The following LYPLA1 variants were observed in gnomAD, a reference collection of about 807,000 sequenced individuals.
LYPLA1 encodes lysophospholipase 1.
LYPLA1 carries 17 observed loss-of-function variants against 34.0 expected under a neutral mutation model. That is an observed-to-expected ratio of 0.50 (90% CI 0.34 to 0.75). The LOEUF (loss-of-function observed/expected upper bound fraction) is 0.75, where lower values mean the gene tolerates loss of function less well. Among genes scored for constraint, LYPLA1 ranks in the 30% least tolerant of loss-of-function variants. LYPLA1 has a pLI of 0.01. For synonymous variants in LYPLA1, 98 were observed against 100.8 expected, an observed-to-expected ratio of 0.97 and a Z score of 0.17; for missense variants, 203 against 288.8, an observed-to-expected ratio of 0.70 and a Z score of 2.15.
intron 5 of LYPLA1, among the ~76,000 whole-genome samples, chr8:54,059,997 C>G (rs1806480539): frequency 6.6e-6 from 1 of 152,214 alleles, no homozygotes; most frequent in South Asian, 2.1e-4. Context: ...CACCTACACC[C>G]ACCCACACTC....
At chr8:54,073,270 T>C in intron 2 of LYPLA1, 2 of 882,240 alleles carry the variant, frequency 2.3e-6, no homozygotes, top group Admixed American at 1.7e-5. Context: ...TGGGGGAACC[T>C]GCATGCTGGG....
At chr8:54,065,519 A>T (rs1238012072) in intron 3 of LYPLA1, among the ~76,000 whole-genome samples, 1 of 151,230 alleles carries the variant, frequency 6.6e-6, no homozygotes, top group African/African-American at 2.4e-5. Context: ...AGTTCAGCTG[A>T]CCTCCAAGAC....
At chr8:54,068,086 G>A (rs1035971683) in intron 2 of LYPLA1, among the ~76,000 whole-genome samples, 48 of 152,234 alleles carry the variant, frequency 3.2e-4, no homozygotes, top group Non-Finnish European at 1.3e-4. Context: ...AGTATTAACT[G>A]CAATACTTAC....
chr8:54,081,559 T>C (rs1808322034), intron 2 of LYPLA1, among the ~76,000 whole-genome samples: 1 of 152,070 alleles, frequency 6.6e-6, no homozygotes, highest in African/African-American at 2.4e-5. Flanking sequence ...GCGATTCTCC[T>C]ACCTCAGCCT....
In LYPLA1 at chr8:54,047,938, T is replaced by C; in HGVS notation, c.*127A>G. Reference sequence around the variant, plus strand: ...AGGAGATATTATTTGATCTGTGTTATTGGCATGTATTTGCAAAACATTTTA... The same window carrying C: ...AGGAGATATTATTTGATCTGTGTTACTGGCATGTATTTGCAAAACATTTTA... On this transcript the variant is annotated 3_prime_UTR_variant, in exon 9 of 9. Transcript: ENST00000316963. 2 of 610,670 alleles carry C rather than the reference T, an allele frequency of 3.3e-6. No individual in the cohort carries two copies. The highest frequency in any genetic ancestry group is 5.8e-6 in the Non-Finnish European group (2 of 342,098). 37.8% of individuals were successfully genotyped at this position (610,670 alleles called of 1,614,324 possible).
At chr8:54,084,814 A>C (rs1054048091) in intron 2 of LYPLA1, among the ~76,000 whole-genome samples, 2 of 152,230 alleles carry the variant, frequency 1.3e-5, no homozygotes, top group Non-Finnish European at 2.9e-5. Flanking sequence ...AAATTCCTAG[A>C]ATGACACAAA....
At chr8:54,065,861 C>G in intron 2 of LYPLA1, 48 bp from the exon 3 acceptor site, 1 of 1,238,622 alleles carries the variant, frequency 8.1e-7, no homozygotes. Context: ...GTTTTAAATC[C>G]CAGTAAGTAA....
intron 2 of LYPLA1, among the ~76,000 whole-genome samples, chr8:54,078,270 C>T (rs80061022): frequency 0.11 from 16,137 of 145,756 alleles, 2,734 homozygotes; most frequent in African/African-American, 0.39. Context: ...CATTTAAGAT[C>T]TGAATACTTG....
intron 2 of LYPLA1, among the ~76,000 whole-genome samples, chr8:54,083,196 C>T (rs149398172): frequency 6.6e-6 from 1 of 152,178 alleles, no homozygotes; most frequent in East Asian, 1.9e-4. Flanking sequence ...ATTGAAGACA[C>T]CTCAGATAAA....
Position 54,089,615 on chromosome 8 carries a change from T to C in LYPLA1, c.101+11293A>G, listed in dbSNP as rs113743341. ...AGGCCAGAATTGAACCATGGGCCCT[T>C]GTTTGCCAACCTCTTTTTTTTTTTT... On this transcript the variant is annotated intron_variant, in intron 2 of 8. Transcript: ENST00000316963. Among the ~76,000 whole-genome samples the C allele has an allele frequency of 2.6e-5, 4 of 151,768 alleles. 1 individual carries two copies. The highest frequency in any genetic ancestry group is 7.2e-5 in the African/African-American group (3 of 41,408).
At chr8:54,085,440 G>T (rs556665219) in intron 2 of LYPLA1, among the ~76,000 whole-genome samples, 2 of 152,136 alleles carry the variant, frequency 1.3e-5, no homozygotes, top group African/African-American at 2.4e-5. Context: ...TCTCTGCCCC[G>T]CCGCCCATCG....
chr8:54,057,167 T>C (rs1462029554), intron 5 of LYPLA1, among the ~76,000 whole-genome samples: 1 of 152,162 alleles, frequency 6.6e-6, no homozygotes, highest in African/African-American at 2.4e-5. Context: ...GAATGTAAAT[T>C]AGTACAACTA....
At chr8:54,080,270 C>T (rs924747936) in intron 2 of LYPLA1, among the ~76,000 whole-genome samples, 14 of 151,832 alleles carry the variant, frequency 9.2e-5, no homozygotes, top group Non-Finnish European at 2.1e-4. Context: ...CCAAGCTACT[C>T]GGGAGACTGA....
intron 7 of LYPLA1, among the ~76,000 whole-genome samples, chr8:54,052,098 G>A (rs1180538071): frequency 6.6e-6 from 1 of 151,800 alleles, no homozygotes; most frequent in Non-Finnish European, 1.5e-5. Context: ...TAATCCACCC[G>A]CCTCAGCCTC....
chr8:54,101,773 G>C lies in LYPLA1; in HGVS notation c.51C>G (p.Ala17=). 1 of 1,300,104 alleles carries C rather than the reference G, an allele frequency of 7.7e-7. No homozygotes were observed. Among genetic ancestry groups the C allele is most frequent in the Non-Finnish European group, 9.8e-7 (1 of 1,016,002 alleles). The allele number at this position is 1,300,104 out of a possible 1,614,324, so 80.5% of individuals were successfully genotyped here. Reference sequence around the variant, plus strand: ...CACTCACCGCAGCGGTGGCCTTCCGGGCGGCGGGCACGATGGCGGGCAGCG... The same window carrying C: ...CACTCACCGCAGCGGTGGCCTTCCGCGCGGCGGGCACGATGGCGGGCAGCG... ...STPLPAIVPA[A]RKATAAVIFL... The change falls in exon 1 of 9, where the codon GCC becomes GCG. Residue 17 remains alanine, a synonymous_variant. Transcript: ENST00000316963.
At chr8:54,098,421 G>A (rs969110714) in intron 2 of LYPLA1, among the ~76,000 whole-genome samples, 2 of 152,206 alleles carry the variant, frequency 1.3e-5, no homozygotes, top group Non-Finnish European at 2.9e-5. Flanking sequence ...GCTCATGCCT[G>A]TAATCCCAGC....
rs188877214 is a variant in LYPLA1, at chr8:54,065,319, G to A, written c.167+429C>T. Among the ~76,000 whole-genome samples the A allele has an allele frequency of 4.6e-5, 7 of 151,954 alleles. No individual in the cohort carries two copies. In the East Asian group the frequency reaches 1.4e-3, roughly 29 times the overall value. ...CTAAACATACAAAAATTAGCTGGGC[G>A]TGGTGGCACGTACCTGTAATCCCAG... is the stretch of plus-strand genomic sequence containing the variant. On this transcript the variant is annotated intron_variant, in intron 3 of 8. Transcript: ENST00000316963.
chr8:54,058,048 A>T (rs921887299), intron 5 of LYPLA1, among the ~76,000 whole-genome samples: 4 of 152,218 alleles, frequency 2.6e-5, no homozygotes, highest in African/African-American at 9.6e-5. Context: ...ATGGATTTTT[A>T]AAAAATTAAT....
chr8:54,077,704 A>G (rs1808013621), intron 2 of LYPLA1, among the ~76,000 whole-genome samples: 3 of 152,238 alleles, frequency 2.0e-5, no homozygotes, highest in Admixed American at 6.5e-5. Flanking sequence ...ATGAGATAGT[A>G]AAGTGTATGT....
Sources: gnomAD v4.1 joint callset for allele counts (sites outside exome capture counted in the v4.1 genomes callset) on GRCh38, gnomAD v4.1.1 for gene constraint, MANE v1.5 for transcripts, NCBI Gene and HGNC (gene_info 2026-07-23, HGNC 2026-07-21) for gene names.